The following BAIAP2L1 variants were observed in gnomAD, a reference collection of about 807,000 sequenced individuals.
The protein encoded by BAIAP2L1 is BAR/IMD domain-containing adapter protein 2-like 1.
In BAIAP2L1, 35 loss-of-function variants were observed where a neutral mutation model predicts 66.3. That is an observed-to-expected ratio of 0.53 (90% CI 0.40 to 0.70). The LOEUF (loss-of-function observed/expected upper bound fraction) is 0.70. Ranked by LOEUF, BAIAP2L1 falls within the 30% of genes least tolerant of loss-of-function variation. The pLI is 0.00. For missense variants in BAIAP2L1, 622 were observed against 656.9 expected (o/e 0.95, Z 0.58); for synonymous variants, 269 against 248.7 (o/e 1.08, Z -0.77).
chr7:98,338,421 T>TAAAAAA (rs35420774), intron 3 of BAIAP2L1, among the ~76,000 whole-genome samples: 3 of 131,450 alleles, frequency 2.3e-5, no homozygotes, highest in African/African-American at 5.7e-5. Context: ...GACTCCGTCT[T>TAAAAAA]AAAAAAAAAA....
rs146161272 is a variant in BAIAP2L1 at position 98,344,202 on chromosome 7, A to G, written c.214+10840T>C. Reference sequence around the variant, plus strand: ...AAAAAACAAACAAACAACTTTCTTTACAAGCAGGCCCTGGTCATCCCTGGC... The same window carrying G: ...AAAAAACAAACAAACAACTTTCTTTGCAAGCAGGCCCTGGTCATCCCTGGC... On this transcript the variant is annotated intron_variant, in intron 3 of 13. Transcript: ENST00000005260. Among the ~76,000 whole-genome samples the G allele has an allele frequency of 1.8e-4, 27 of 152,262 alleles. No individual in the cohort carries two copies. In the East Asian group the frequency reaches 4.6e-3, roughly 26 times the overall value.
At chr7:98,372,076 G>A (rs555041255) in intron 1 of BAIAP2L1, among the ~76,000 whole-genome samples, 13 of 152,018 alleles carry the variant, frequency 8.6e-5, no homozygotes, top group Non-Finnish European at 1.5e-4. Flanking sequence ...TTACAGGCGT[G>A]AGCCATCGCG....
chr7:98,358,045 T>C lies in BAIAP2L1; in HGVS notation c.128-2917A>G, dbSNP rs1802180520. On this transcript the variant is annotated intron_variant, in intron 2 of 13. Transcript: ENST00000005260. ...AGTATGAAGATGTTAAGTTGTAAAG[T>C]ACTGATCATCTGAAAAGCAAATTAG... Among the ~76,000 whole-genome samples the C allele has an allele frequency of 2.0e-5, 3 of 152,196 alleles. No individual in the cohort carries two copies. The South Asian group carries it at 6.2e-4, about 31-fold the overall frequency.
intron 3 of BAIAP2L1, among the ~76,000 whole-genome samples, chr7:98,337,680 G>A (rs1175831866): frequency 6.6e-6 from 1 of 152,210 alleles, no homozygotes; most frequent in African/African-American, 2.4e-5. Flanking sequence ...CACTTTGGGA[G>A]GCTGAGAAGG....
chr7:98,317,744 G>A (rs536539564), intron 5 of BAIAP2L1, among the ~76,000 whole-genome samples: 44 of 143,938 alleles, frequency 3.1e-4, no homozygotes, highest in African/African-American at 1.1e-3. Context: ...GTTGGCTGGG[G>A]ACGCTCACCA....
intron 12 of BAIAP2L1, among the ~76,000 whole-genome samples, chr7:98,299,757 T>C (rs978240065): frequency 3.9e-5 from 6 of 152,114 alleles, no homozygotes; most frequent in African/African-American, 1.4e-4. Context: ...TAAAATAAAA[T>C]TTGCCGGGCG....
chr7:98,303,970 T>TA (rs1358657311), intron 12 of BAIAP2L1, among the ~76,000 whole-genome samples: 2 of 152,142 alleles, frequency 1.3e-5, no homozygotes, highest in Admixed American at 1.3e-4. Context: ...ACTGACAAGA[T>TA]AGAGTCCACA....
At chr7:98,315,093 G>A (rs1801023867) in intron 7 of BAIAP2L1, among the ~76,000 whole-genome samples, 1 of 152,182 alleles carries the variant, frequency 6.6e-6, no homozygotes, top group Admixed American at 6.5e-5. Context: ...ATGTGTGGAA[G>A]GTGAGTGGCG....
chr7:98,372,412 AC>A, intron 1 of BAIAP2L1, among the ~76,000 whole-genome samples: 1 of 152,104 alleles, frequency 6.6e-6, no homozygotes, highest in South Asian at 2.1e-4. Context: ...TCTCAAAAAA[AC>A]AAAACAAAAC....
At chr7:98,366,225 C>A (rs1802387767) in intron 1 of BAIAP2L1, among the ~76,000 whole-genome samples, 1 of 145,112 alleles carries the variant, frequency 6.9e-6, no homozygotes, top group East Asian at 1.9e-4. Flanking sequence ...CCTCTGTTTT[C>A]AGCTCAGAGT....
chr7:98,351,111 T>C (rs1801989977), intron 3 of BAIAP2L1, among the ~76,000 whole-genome samples: 1 of 152,200 alleles, frequency 6.6e-6, no homozygotes, highest in African/African-American at 2.4e-5. Flanking sequence ...TCCGCCCGCC[T>C]TGGCCTTCCA....
At chr7:98,342,041 ATTTTTTTTTTTTTT>A in intron 3 of BAIAP2L1, among the ~76,000 whole-genome samples, 1 of 95,078 alleles carries the variant, frequency 1.1e-5, no homozygotes, top group Non-Finnish European at 2.0e-5. Context: ...TTTTTTTCTG[ATTTTTTTTTTTTTT>A]TTTTTTTTTT....
At chr7:98,380,772 CACCACCACCGCCACT>C (rs1802738858) in intron 1 of BAIAP2L1, among the ~76,000 whole-genome samples, 1 of 148,046 alleles carries the variant, frequency 6.8e-6, no homozygotes, top group South Asian at 2.2e-4. Flanking sequence ...AAAAAGGAAC[CACCACCACCGCCACT>C]ACCACCACCA....
At chr7:98,379,267 C>T (rs937551266) in intron 1 of BAIAP2L1, among the ~76,000 whole-genome samples, 3 of 152,174 alleles carry the variant, frequency 2.0e-5, no homozygotes, top group Non-Finnish European at 4.4e-5. Flanking sequence ...ACAGTGTTCT[C>T]AGCAGCAGCA....
intron 1 of BAIAP2L1, among the ~76,000 whole-genome samples, chr7:98,378,005 C>T (rs756037896): frequency 3.3e-5 from 5 of 151,494 alleles, no homozygotes; most frequent in African/African-American, 7.3e-5. Flanking sequence ...GGCATAGTGG[C>T]GCATGCCTGT....
At chr7:98,355,423 G>T in intron 2 of BAIAP2L1, 1 of 413,428 alleles carries the variant, frequency 2.4e-6, no homozygotes, top group Non-Finnish European at 4.5e-6. Flanking sequence ...GTTTCAGAGT[G>T]GATGCGTTCC....
intron 12 of BAIAP2L1, among the ~76,000 whole-genome samples, chr7:98,298,711 G>A (rs1800293339): frequency 6.6e-6 from 1 of 152,194 alleles, no homozygotes; most frequent in Admixed American, 6.5e-5. Flanking sequence ...ATCATCAGCT[G>A]GTTTAGGCAT....
rs557193813 is a variant in BAIAP2L1, at chr7:98,320,305, AC to A, written c.215-8del. 80 of 1,583,450 alleles carry A rather than the reference AC, an allele frequency of 5.1e-5. No individual in the cohort carries two copies. The East Asian group carries it at 1.7e-3, about 33-fold the overall frequency. On this transcript the variant is annotated splice_polypyrimidine_tract_variant and splice_region_variant and intron_variant, in intron 3 of 13. Coordinates refer to ENST00000005260, the MANE Select transcript of BAIAP2L1 (RefSeq NM_018842.5). ...ATCTCTATGAGGACATGTCCTGGGA[AC>A]AAAACCAGATATGTTAGCGGGAAGC... is the stretch of plus-strand genomic sequence containing the variant.
chr7:98,386,644 C>A (rs929069708), intron 1 of BAIAP2L1: 93 of 1,105,276 alleles, frequency 8.4e-5, no homozygotes, highest in Non-Finnish European at 1.1e-4. Flanking sequence ...TTTCCGAGAA[C>A]TTTTTTTTGT....
Sources: allele counts gnomAD v4.1 joint callset (sites outside exome capture counted in the v4.1 genomes callset), GRCh38; gene constraint gnomAD v4.1.1; transcripts MANE v1.5; gene names NCBI Gene and HGNC (gene_info 2026-07-23, HGNC 2026-07-21).